Variants in REV3L observed in about 807,000 individuals in gnomAD.
REV3L encodes the protein REV3 like, DNA directed polymerase zeta catalytic subunit.
Under a neutral mutation model 299.4 loss-of-function variants are expected in REV3L, and 69 were observed. That is an observed-to-expected ratio of 0.23 (90% CI 0.19 to 0.28). The LOEUF is 0.28. REV3L is among the 10% of genes least tolerant of loss of function. The probability of loss-of-function intolerance (pLI) is 1.00; values close to 1 mark genes in which losing one functional copy is unlikely to be tolerated. For synonymous variants in REV3L, 1,238 were observed against 1,271.4 expected, an observed-to-expected ratio of 0.97 and a Z score of 0.56; for missense variants, 3,128 against 3,693.8, an observed-to-expected ratio of 0.85 and a Z score of 3.97.
At chr6:111,401,390 A>G (rs998830923) in intron 4 of REV3L, among the ~76,000 whole-genome samples, 11 of 152,142 alleles carry the variant, frequency 7.2e-5, no homozygotes, top group African/African-American at 2.4e-4. Flanking sequence ...ATCCTTCATT[A>G]TATGATTCCC....
intron 4 of REV3L, among the ~76,000 whole-genome samples, chr6:111,402,026 A>T (rs1783136699): frequency 6.6e-6 from 1 of 152,116 alleles, no homozygotes; most frequent in Non-Finnish European, 1.5e-5. Flanking sequence ...AGGTGGGAGG[A>T]TGGCTTGAGC....
At chr6:111,395,615 G>A (rs117208641) in intron 4 of REV3L, among the ~76,000 whole-genome samples, 4,333 of 152,126 alleles carry the variant, frequency 0.028, 73 homozygotes, top group South Asian at 0.078. Flanking sequence ...GAGTCTTCAG[G>A]TTTTGCCATA....
rs1422087524 is a variant in REV3L at position 111,335,540 on chromosome 6, T to G, written c.7609A>C (p.Ile2537Leu). 1 of 1,613,530 alleles carries G rather than the reference T, an allele frequency of 6.2e-7. No homozygotes were observed. The highest frequency in any genetic ancestry group is 8.5e-7 in the Non-Finnish European group (1 of 1,179,686). ...NLQMLEQLDL[I>L]GKTSEMARLF... Reference sequence around the variant, plus strand: ...CTAGCCATCTCACTGGTTTTCCCAATCAGGTCCAGCTGTTCTAACATTTGG... The same window carrying G: ...CTAGCCATCTCACTGGTTTTCCCAAGCAGGTCCAGCTGTTCTAACATTTGG... The change falls in exon 22 of 32, where the codon ATT (isoleucine) becomes CTT (leucine). Residue 2537 changes from isoleucine (I) to leucine (L), a missense_variant. Physicochemically the swap from Ile to Leu is conservative, Grantham distance 5. Transcript: ENST00000368802.
At chr6:111,300,868 A>G (rs963943500) in intron 31 of REV3L, among the ~76,000 whole-genome samples, 1 of 151,550 alleles carries the variant, frequency 6.6e-6, no homozygotes, top group Non-Finnish European at 1.5e-5. Context: ...GTGTTTGAAC[A>G]ATATGAAATC....
At chr6:111,475,960 A>G (rs1416628905) in intron 1 of REV3L, among the ~76,000 whole-genome samples, 1 of 152,230 alleles carries the variant, frequency 6.6e-6, no homozygotes, top group Non-Finnish European at 1.5e-5. Flanking sequence ...TTATTAAACA[A>G]TTCTTCTTTT....
chr6:111,457,150 T>A (rs1046250513), intron 1 of REV3L, among the ~76,000 whole-genome samples: 3 of 152,178 alleles, frequency 2.0e-5, no homozygotes, highest in Admixed American at 6.5e-5. Flanking sequence ...TTAATTGTAC[T>A]GTACCTCAAG....
chr6:111,387,136 T>C (rs768619778), intron 9 of REV3L, among the ~76,000 whole-genome samples: 1 of 152,206 alleles, frequency 6.6e-6, no homozygotes, highest in Non-Finnish European at 1.5e-5. Flanking sequence ...ACAACATGTA[T>C]AAAACTTGAA....
intron 1 of REV3L, chr6:111,431,541 CA>C (rs1412801921): frequency 2.5e-6 from 2 of 815,654 alleles, no homozygotes; most frequent in African/African-American, 3.4e-5. Flanking sequence ...CCCCTCCCAA[CA>C]TGATCTGTCT....
intron 1 of REV3L, among the ~76,000 whole-genome samples, chr6:111,432,862 A>G (rs959607908): frequency 6.6e-6 from 1 of 152,226 alleles, no homozygotes; most frequent in Non-Finnish European, 1.5e-5. Flanking sequence ...TCTGGCCACA[A>G]TGGAATAAAA....
rs144497761 is a variant in REV3L, at chr6:111,338,312, C to CTTTTTTT, written c.7539-2709_7539-2703dup. 6.5e-4 allele frequency among the ~76,000 whole-genome samples: 31 copies of CTTTTTTT among 47,924 alleles called. 2 individuals carry two copies. Among genetic ancestry groups the CTTTTTTT allele is most frequent in the African/African-American group, 2.7e-3 (21 of 7,710 alleles). The allele number at this position is 47,924 out of a possible 152,430, so 31.4% of individuals were successfully genotyped here. A position where few individuals can be genotyped will look rare whatever the true frequency, so the allele number is the denominator to read the frequency against. ...TCTTTGTTTACTCCAGTCTAAAGTCCTTTTTTTTTTTTTTTTTTTTTTTTT... is the reference window on the plus strand; with the variant it reads ...TCTTTGTTTACTCCAGTCTAAAGTCCTTTTTTTTTTTTTTTTTTTTTTTTTTTTTTTT... On this transcript the variant is annotated intron_variant, in intron 21 of 31. Transcript: ENST00000368802.
At chr6:111,383,965 C>T (rs944871255) in intron 9 of REV3L, among the ~76,000 whole-genome samples, 28 of 152,018 alleles carry the variant, frequency 1.8e-4, no homozygotes, top group African/African-American at 6.0e-4. Context: ...GCAGTGAACT[C>T]GTTTTTGATG....
intron 1 of REV3L, among the ~76,000 whole-genome samples, chr6:111,450,041 T>C (rs1210721040): frequency 3.3e-5 from 5 of 152,112 alleles, no homozygotes; most frequent in Non-Finnish European, 4.4e-5. Context: ...TTTCATCTCA[T>C]GACGGATGAA....
intron 25 of REV3L, among the ~76,000 whole-genome samples, chr6:111,328,667 T>TA (rs1775078940): frequency 6.6e-6 from 1 of 152,220 alleles, no homozygotes; most frequent in Non-Finnish European, 1.5e-5. Context: ...TATTTAGGCT[T>TA]GGCATGAGAA....
rs752343286 is a variant in REV3L at position 111,475,249 on chromosome 6, CCTAA to C, written c.139+7497_139+7500del. Among the ~76,000 whole-genome samples, 22 of 152,102 alleles carry C rather than the reference CCTAA, an allele frequency of 1.4e-4. 1 individual carries two copies. The highest frequency in any genetic ancestry group is 3.1e-4 in the Non-Finnish European group (21 of 68,022). On this transcript the variant is annotated intron_variant, in intron 1 of 31. Coordinates refer to ENST00000368802, the MANE Select transcript of REV3L (RefSeq NM_001372078.1). Reference sequence around the variant, plus strand: ...TGTTGAATATATACACCATAATTCACCTAACTACTTCCCTACTGATATGTTTAGC... The same window carrying C: ...TGTTGAATATATACACCATAATTCACCTACTTCCCTACTGATATGTTTAGC...
At chr6:111,372,556 A>G in intron 13 of REV3L, 40 bp downstream of exon 13, 1 of 1,402,438 alleles carries the variant, frequency 7.1e-7, no homozygotes, top group Non-Finnish European at 9.4e-7. Context: ...TATATATCAT[A>G]ATAATTCAGA....
intron 5 of REV3L, among the ~76,000 whole-genome samples, chr6:111,392,144 C>T (rs1352777561): frequency 2.0e-5 from 3 of 152,070 alleles, no homozygotes; most frequent in Non-Finnish European, 2.9e-5. Flanking sequence ...TGAATATTCC[C>T]GAAGTAGCAC....
chr6:111,408,552 C>T (rs1248428533), intron 3 of REV3L, among the ~76,000 whole-genome samples: 3 of 151,888 alleles, frequency 2.0e-5, no homozygotes, highest in Admixed American at 1.3e-4. Flanking sequence ...TGCAGTGAGC[C>T]GACATGGTGC....
chr6:111,397,003 T>C (rs547962397), intron 4 of REV3L, among the ~76,000 whole-genome samples: 1 of 152,256 alleles, frequency 6.6e-6, no homozygotes, highest in Admixed American at 6.5e-5. Context: ...TCTAATTTTA[T>C]GTATGTCTTC....
At chr6:111,441,532 C>T (rs917545017) in intron 1 of REV3L, among the ~76,000 whole-genome samples, 2 of 152,126 alleles carry the variant, frequency 1.3e-5, no homozygotes, top group East Asian at 3.9e-4. Flanking sequence ...ATTACAGGTG[C>T]GAGCCACCAC....
Sources: allele counts gnomAD v4.1 joint callset (sites outside exome capture counted in the v4.1 genomes callset), GRCh38; gene constraint gnomAD v4.1.1; transcripts MANE v1.5; gene names NCBI Gene and HGNC (gene_info 2026-07-23, HGNC 2026-07-21).